ZNF331: variants seen among roughly 807,000 people sequenced by gnomAD.
ZNF331 encodes zinc finger protein 331, also known as C2H2-like zinc finger protein rearranged in thyroid adenomas.
Under a neutral mutation model 7.0 loss-of-function variants are expected in ZNF331, and 2 were observed. The observed-to-expected ratio is 0.29, with a 90% CI of 0.12 to 0.90. The LOEUF (loss-of-function observed/expected upper bound fraction) is 0.90, where lower values mean the gene tolerates loss of function less well. Among genes scored for constraint, ZNF331 ranks in the 40% least tolerant of loss-of-function variants. The pLI is 0.58. For missense variants in ZNF331, 432 were observed against 587.7 expected, an observed-to-expected ratio of 0.74 and a Z score of 2.74; for synonymous variants, 196 against 205.4, an observed-to-expected ratio of 0.95 and a Z score of 0.39.
intron 3 of ZNF331, among the ~76,000 whole-genome samples, chr19:53,564,140 A>G (rs1194363269): frequency 7.9e-6 from 1 of 125,864 alleles, no homozygotes; most frequent in Non-Finnish European, 1.6e-5. Flanking sequence ...TACAGTGGCT[A>G]TTCACAGGTA....
rs2090424942 is a variant in ZNF331 at position 53,571,088 on chromosome 19, T to G, written c.10-516T>G. Among the ~76,000 whole-genome samples the G allele has an allele frequency of 6.6e-6, 1 of 151,920 alleles. No individual in the cohort carries two copies. The highest frequency in any genetic ancestry group is 2.4e-5 in the African/African-American group (1 of 41,364). On this transcript the variant is annotated intron_variant, in intron 4 of 5. Coordinates refer to ENST00000449416, the MANE Select transcript of ZNF331 (RefSeq NM_001079906.2). The surrounding 1 kb of genome is among the most constrained non-coding windows in gnomAD (Gnocchi z 4.7). ...GTTTGCCAGGATGGTCTCGATCTCC[T>G]GACCTCGTGATCCGCCTGCCTTGTT...
chr19:53,511,508 CTAAA>C, the ZNF331 span, among the ~76,000 whole-genome samples: 1 of 151,788 alleles, frequency 6.6e-6, no homozygotes, highest in Non-Finnish European at 1.5e-5. Flanking sequence ...ACTAAATAAA[CTAAA>C]TAAATATAAT....
Position 53,573,851 on chromosome 19 carries a change from G to A in ZNF331, c.136+2121G>A, listed in dbSNP as rs531130230. 1.3e-5 allele frequency among the ~76,000 whole-genome samples: 2 copies of A among 152,120 alleles called. No individual in the cohort carries two copies. The highest frequency in any genetic ancestry group is 4.8e-5 in the African/African-American group (2 of 41,428). On this transcript the variant is annotated intron_variant, in intron 5 of 5. Transcript: ENST00000449416. The surrounding 1 kb of genome is among the most constrained non-coding windows in gnomAD (Gnocchi z 4.2). ...TTTAAGGCCAGGCATGGTGGTTCAC[G>A]CCTATAATCCCAGCACTTTGGGAGT... is the stretch of plus-strand genomic sequence containing the variant.
At chr19:53,557,247 C>T (rs906445824) in intron 3 of ZNF331, among the ~76,000 whole-genome samples, 3 of 152,122 alleles carry the variant, frequency 2.0e-5, no homozygotes, top group Non-Finnish European at 2.9e-5. Context: ...CATCACCCAC[C>T]GTGTCCGGCC....
At chr19:53,535,325 C>CCAGT (rs1483008903), upstream of ZNF331, among the ~76,000 whole-genome samples, 1 of 152,158 alleles carries the variant, frequency 6.6e-6, no homozygotes, top group Non-Finnish European at 1.5e-5. Context: ...CTCCTGGCCT[C>CCAGT]CAGTGATCCA....
intron 2 of ZNF331, among the ~76,000 whole-genome samples, chr19:53,540,526 A>G (rs1198884827): frequency 3.9e-5 from 6 of 152,056 alleles, no homozygotes; most frequent in Non-Finnish European, 8.8e-5. Context: ...TCCACCTCCC[A>G]GATTCAAGTG....
chr19:53,566,407 C>T (rs777614866), intron 3 of ZNF331, among the ~76,000 whole-genome samples: 2 of 152,108 alleles, frequency 1.3e-5, no homozygotes, highest in Non-Finnish European at 1.5e-5. Flanking sequence ...ATTCTCCTGC[C>T]TCAGCCTCCC....
chr19:53,580,033 G>A lies in ZNF331; in HGVS notation c.*2081G>A, dbSNP rs1251787133. ...AGGAACTGTAGAGTAAAACCACAAT[G>A]TGCTGTCACTCTAGACAGTCACCAG... On this transcript the variant is annotated 3_prime_UTR_variant, in exon 6 of 6. Coordinates refer to ENST00000449416, the MANE Select transcript of ZNF331 (RefSeq NM_001079906.2). 3 of 210,960 alleles carry A rather than the reference G, an allele frequency of 1.4e-5. No homozygotes were observed. In the Admixed American group the frequency reaches 1.8e-4, roughly 12 times the overall value. The allele number at this position is 210,960 out of a possible 1,614,324, so 13.1% of individuals were successfully genotyped here.
intron 2 of ZNF331, among the ~76,000 whole-genome samples, chr19:53,551,745 C>T (rs1197581425): frequency 6.6e-6 from 1 of 152,080 alleles, no homozygotes; most frequent in Non-Finnish European, 1.5e-5. Context: ...CTAAACCATA[C>T]AGTATGAAAA....
chr19:53,522,888 T>C (rs1037647290), intron 2 of ZNF331, among the ~76,000 whole-genome samples: 2 of 152,216 alleles, frequency 1.3e-5, no homozygotes, highest in African/African-American at 4.8e-5. Flanking sequence ...TCTAAGAATC[T>C]GATGGTACAG....
At chr19:53,506,585 C>A in the ZNF331 span, among the ~76,000 whole-genome samples, 1 of 151,518 alleles carries the variant, frequency 6.6e-6, no homozygotes, top group African/African-American at 2.4e-5. Context: ...CTTACCCATG[C>A]CATTGTATAG....
rs747763757 is a variant in ZNF331 at position 53,577,730 on chromosome 19, G to A, written c.1170G>A (p.Lys390=). The change falls in exon 6 of 6, where the codon AAG becomes AAA. Residue 390 remains lysine (K), a synonymous_variant. Coordinates refer to ENST00000449416, the MANE Select transcript of ZNF331 (RefSeq NM_001079906.2). ...ETPYKCKECG[K]AFIYGSSLVK... The stretch of plus-strand genomic sequence containing the variant: ...CGTATAAATGTAAGGAGTGTGGGAA[G>A]GCTTTCATTTATGGATCGAGCCTCG... The A allele has an allele frequency of 1.6e-5, 26 of 1,613,884 alleles. 1 individual carries two copies. The South Asian group carries it at 2.6e-4, about 16-fold the overall frequency.
chr19:53,542,442 CA>C (rs2147337975), intron 2 of ZNF331, among the ~76,000 whole-genome samples: 1 of 152,260 alleles, frequency 6.6e-6, no homozygotes, highest in South Asian at 2.1e-4. Context: ...GTGACATTAG[CA>C]AGATTATTTG....
At chr19:53,556,060 C>T (rs1052166872) in intron 3 of ZNF331, among the ~76,000 whole-genome samples, 152 bp downstream of exon 3, 4 of 151,654 alleles carry the variant, frequency 2.6e-5, no homozygotes, top group Admixed American at 6.6e-5. Flanking sequence ...CTGGCTAACA[C>T]GGTGAAACCC....
chr19:53,540,435 T>G (rs1259364221), intron 2 of ZNF331, among the ~76,000 whole-genome samples: 2 of 151,982 alleles, frequency 1.3e-5, no homozygotes, highest in African/African-American at 2.4e-5. Context: ...GAGATAGTCT[T>G]TTTTTTTCTG....
chr19:53,564,377 C>T (rs1041560677), intron 3 of ZNF331, among the ~76,000 whole-genome samples: 2 of 151,876 alleles, frequency 1.3e-5, no homozygotes, highest in South Asian at 4.2e-4. Context: ...CCTCCCGGGT[C>T]CCAGCGATTC....
Position 53,571,332 on chromosome 19 carries a change from C to G in ZNF331, c.10-272C>G, listed in dbSNP as rs2090435295. On this transcript the variant is annotated intron_variant, in intron 4 of 5. Coordinates refer to ENST00000449416, the MANE Select transcript of ZNF331 (RefSeq NM_001079906.2). The surrounding 1 kb of genome is among the most constrained non-coding windows in gnomAD (Gnocchi z 4.7). ...ACACTGCTTGTAAGCAAGAAGAAAA[C>G]TTGGATTGTTTTATCCACTTCCTGG... Among the ~76,000 whole-genome samples the G allele has an allele frequency of 6.6e-6, 1 of 152,180 alleles. No homozygotes were observed. Among genetic ancestry groups the G allele is most frequent in the Non-Finnish European group, 1.5e-5 (1 of 68,036 alleles).
chr19:53,558,215 G>C lies in ZNF331; in HGVS notation c.-74+2307G>C, dbSNP rs2089556095. On this transcript the variant is annotated intron_variant, in intron 3 of 5. Coordinates refer to ENST00000449416, the MANE Select transcript of ZNF331 (RefSeq NM_001079906.2). The surrounding 1 kb of genome is among the most constrained non-coding windows in gnomAD (Gnocchi z 4.5). ...TCTATTAGTGTATTTGATTGACTCA[G>C]AATTCAGGGAAACACATATACCAGT... Among the ~76,000 whole-genome samples the C allele has an allele frequency of 6.6e-6, 1 of 152,078 alleles. No individual in the cohort carries two copies. Among genetic ancestry groups the C allele is most frequent in the Admixed American group, 6.6e-5 (1 of 15,248 alleles).
At chr19:53,576,296 T>C (rs1382198099) in intron 5 of ZNF331, among the ~76,000 whole-genome samples, 1 of 152,196 alleles carries the variant, frequency 6.6e-6, no homozygotes, top group East Asian at 1.9e-4. Context: ...CCTTTACCAG[T>C]TACTTTTAAT....
Sources: allele counts gnomAD v4.1 joint callset (sites outside exome capture counted in the v4.1 genomes callset), GRCh38; gene constraint gnomAD v4.1.1; non-coding constraint Gnocchi (gnomAD v3.1); transcripts MANE v1.5; gene names NCBI Gene and HGNC (gene_info 2026-07-23, HGNC 2026-07-21).